The following AGGF1 variants were observed in gnomAD, a reference collection of about 807,000 sequenced individuals.
AGGF1 encodes angiogenic factor with G patch and FHA domains 1.
In AGGF1, 56 loss-of-function variants were observed where a neutral mutation model predicts 86.5. The observed-to-expected ratio is 0.65, with a 90% CI of 0.52 to 0.81. The LOEUF is 0.81. AGGF1 is among the 30% of genes least tolerant of loss of function. The pLI, the probability that AGGF1 is intolerant of heterozygous loss-of-function variation, is 0.00. For missense variants in AGGF1, 816 were observed against 850.9 expected (o/e 0.96, Z 0.51); for synonymous variants, 313 against 297.1 (o/e 1.05, Z -0.55).
chr5:77,031,005 C>G (rs1196600513), intron 1 of AGGF1, 29 bp downstream of exon 1: 2 of 1,609,726 alleles, frequency 1.2e-6, no homozygotes, highest in Non-Finnish European at 1.7e-6. Flanking sequence ...CCCCGCGCCC[C>G]ATCCAGCCCA....
intron 8 of AGGF1, 53 bp from the exon 9 acceptor site, chr5:77,052,653 C>T: frequency 3.1e-6 from 4 of 1,290,152 alleles, no homozygotes; most frequent in Non-Finnish European, 4.4e-6. Context: ...CAGAAATTGT[C>T]CATAGTTTTG....
rs1053197731 is a variant in AGGF1, at chr5:77,048,983, G to A, written c.1361G>A (p.Ser454Asn). Residue 454 changes from serine to asparagine, a missense_variant, in exon 8 of 14, where the codon AGT becomes AAT. Ser to Asn is a conservative substitution (Grantham distance 46). Coordinates refer to ENST00000312916, the MANE Select transcript of AGGF1 (RefSeq NM_018046.5). Reference protein sequence around the residue: ...HTLRIPEVGVSKFHAEIYFDH... With the variant: ...HTLRIPEVGVNKFHAEIYFDH... Reference sequence around the variant, plus strand: ...CTCCGAATCCCTGAAGTTGGTGTCAGTAAGGTAAGCTCTTTGATTTATCAA... The same window carrying A: ...CTCCGAATCCCTGAAGTTGGTGTCAATAAGGTAAGCTCTTTGATTTATCAA... 1 of 1,613,636 alleles carries A rather than the reference G, an allele frequency of 6.2e-7. No individual in the cohort carries two copies. The highest frequency in any genetic ancestry group is 8.5e-7 in the Non-Finnish European group (1 of 1,179,728).
intron 5 of AGGF1, among the ~76,000 whole-genome samples, chr5:77,041,598 G>A (rs891032814): frequency 1.3e-5 from 2 of 149,224 alleles, no homozygotes; most frequent in Non-Finnish European, 3.0e-5. Context: ...AAGAAGGCTA[G>A]GTTGTGAAAG....
Position 77,053,981 on chromosome 5 carries a change from A to G in AGGF1, c.1484A>G (p.Asp495Gly). The change falls in exon 10 of 14, where the codon GAC becomes GGC. Residue 495 changes from aspartate (D) to glycine (G), a missense_variant. Asp to Gly is a moderately conservative substitution (Grantham distance 94). Transcript: ENST00000312916. The part of the protein sequence containing the change: ...KQILQPKTKC[D>G]PYVLEHGDEV... ...CCCCTCTAGCCGAAAACTAAATGTG[A>G]CCCTTACGTACTTGAGCATGGAGAT... 6.2e-7 allele frequency: 1 copy of G among 1,614,134 alleles called. No individual in the cohort carries two copies. Among genetic ancestry groups the G allele is most frequent in the East Asian group, 2.2e-5 (1 of 44,880 alleles).
intron 1 of AGGF1, among the ~76,000 whole-genome samples, chr5:77,031,900 T>C (rs957555488): frequency 6.6e-6 from 1 of 152,082 alleles, no homozygotes; most frequent in African/African-American, 2.4e-5. Context: ...TGCAACTCTG[T>C]CTCAAAATAA....
intron 10 of AGGF1, 125 bp downstream of exon 10, chr5:77,054,255 T>G (rs751328078): frequency 2.6e-6 from 3 of 1,168,248 alleles, no homozygotes; most frequent in African/African-American, 1.5e-5. Context: ...GAGAGATATT[T>G]TATACAAAGC....
At chr5:77,057,033 A>T (rs1341018351) in intron 11 of AGGF1, among the ~76,000 whole-genome samples, 1 of 152,236 alleles carries the variant, frequency 6.6e-6, no homozygotes, top group Non-Finnish European at 1.5e-5. Flanking sequence ...GTCTTTAAGG[A>T]AATGCAAATT....
At chr5:77,034,611 C>T (rs1746930263) in intron 2 of AGGF1, 91 bp downstream of exon 2, 6 of 916,188 alleles carry the variant, frequency 6.5e-6, no homozygotes, top group South Asian at 5.3e-5. Context: ...AAACAAAGAT[C>T]AAGGTAAATG....
intron 10 of AGGF1, 111 bp from the exon 11 acceptor site, chr5:77,055,403 G>A (rs937049911): frequency 1.4e-5 from 10 of 709,720 alleles, no homozygotes; most frequent in Admixed American, 9.7e-5. Flanking sequence ...TCAACTTCTG[G>A]TTAATTGGAA....
intron 5 of AGGF1, among the ~76,000 whole-genome samples, chr5:77,044,514 C>T (rs1389068945): frequency 6.6e-6 from 1 of 152,092 alleles, no homozygotes; most frequent in Non-Finnish European, 1.5e-5. Context: ...TGCCTCAGTG[C>T]CCATAAATAA....
intron 5 of AGGF1, among the ~76,000 whole-genome samples, chr5:77,042,129 G>T (rs1329732467): frequency 6.6e-6 from 1 of 152,050 alleles, no homozygotes; most frequent in African/African-American, 2.4e-5. Flanking sequence ...AGGGTTGGGG[G>T]TAAGGTCACA....
chr5:77,045,828 T>C (rs1359669830), intron 5 of AGGF1, among the ~76,000 whole-genome samples: 1 of 152,236 alleles, frequency 6.6e-6, no homozygotes, highest in African/African-American at 2.4e-5. Context: ...GTTTTGCTAA[T>C]CCAAACTCAA....
chr5:77,053,327 T>C (rs1747407182), intron 9 of AGGF1, among the ~76,000 whole-genome samples: 2 of 152,176 alleles, frequency 1.3e-5, no homozygotes, highest in Admixed American at 1.3e-4. Flanking sequence ...AAGACCAGCC[T>C]GGCCACCATG....
At chr5:77,036,167 A>C in intron 3 of AGGF1, 1 of 267,062 alleles carries the variant, frequency 3.7e-6, no homozygotes, top group Admixed American at 5.1e-5. Flanking sequence ...TGTTTGATAT[A>C]TCTCATTTAA....
chr5:77,044,073 G>A (rs868329611), intron 5 of AGGF1, among the ~76,000 whole-genome samples: 95 of 133,334 alleles, frequency 7.1e-4, no homozygotes, highest in Middle Eastern at 7.1e-3. Context: ...GCGGCCGGGC[G>A]GAGACGCTCC....
intron 10 of AGGF1, 77 bp downstream of exon 10, chr5:77,054,207 G>A (rs1747423561): frequency 2.0e-6 from 3 of 1,536,862 alleles, no homozygotes; most frequent in East Asian, 2.3e-5. Context: ...ACATCAGTCA[G>A]CTACTGGCTA....
At chr5:77,031,043 C>A in intron 1 of AGGF1, 67 bp downstream of exon 1, 1 of 1,547,040 alleles carries the variant, frequency 6.5e-7, no homozygotes, top group South Asian at 1.1e-5. Flanking sequence ...CCGTGATAGC[C>A]TCGGAAGGGG....
intron 8 of AGGF1, among the ~76,000 whole-genome samples, chr5:77,049,844 C>G (rs956598354): frequency 9.9e-5 from 15 of 152,158 alleles, no homozygotes; most frequent in Non-Finnish European, 1.9e-4. Flanking sequence ...GCCACCGCGT[C>G]TGGCTGAGGC....
chr5:77,033,986 T>C (rs1746917877), intron 1 of AGGF1, among the ~76,000 whole-genome samples: 2 of 152,238 alleles, frequency 1.3e-5, no homozygotes, highest in Admixed American at 1.3e-4. Context: ...TGAAAAAATG[T>C]ATTAAAGCTT....
Sources: allele counts gnomAD v4.1 joint callset (sites outside exome capture counted in the v4.1 genomes callset), GRCh38; gene constraint gnomAD v4.1.1; transcripts MANE v1.5; gene names NCBI Gene and HGNC (gene_info 2026-07-23, HGNC 2026-07-21).